The following SLCO1A2 variants were observed in gnomAD, a reference collection of about 807,000 sequenced individuals.
SLCO1A2 encodes the protein OATP-1.
Under a neutral mutation model 69.0 loss-of-function variants are expected in SLCO1A2, and 67 were observed. The ratio of observed to expected loss-of-function variants is 0.97; its 90% CI spans 0.80 to 1.19. The LOEUF (loss-of-function observed/expected upper bound fraction) is 1.19, where lower values mean the gene tolerates loss of function less well. Among genes scored for constraint, SLCO1A2 ranks in the 50% most tolerant of loss-of-function variants. SLCO1A2 has a pLI of 0.00. For missense variants in SLCO1A2, 787 were observed against 793.7 expected, an observed-to-expected ratio of 0.99 and a Z score of 0.10; for synonymous variants, 260 against 265.9, an observed-to-expected ratio of 0.98 and a Z score of 0.22.
rs148715530 is a variant in SLCO1A2 at position 21,312,893 on chromosome 12, GTGAAA to G, written c.335+1651_335+1655del. ...GTTCAGGACCAGCCAGGGCAATATG[GTGAAA>G]TCCTGTCTCTACCAAAAAAATATAT... On this transcript the variant is annotated intron_variant, in intron 4 of 14. Coordinates refer to ENST00000683939, the MANE Select transcript of SLCO1A2 (RefSeq NM_001386879.1). Among the ~76,000 whole-genome samples the G allele has an allele frequency of 4.7e-3, 714 of 152,120 alleles. 2 individuals carry two copies. The highest frequency in any genetic ancestry group is 7.4e-3 in the Non-Finnish European group (501 of 67,992).
At chr12:21,411,827 G>A (rs1941911619) in intron 1 of SLCO1A2, among the ~76,000 whole-genome samples, 2 of 151,904 alleles carry the variant, frequency 1.3e-5, no homozygotes, top group African/African-American at 4.8e-5. Flanking sequence ...GGGACTACAG[G>A]CACACTCCAC....
At chr12:21,339,892 T>C (rs150149077), upstream of SLCO1A2, among the ~76,000 whole-genome samples, 150 of 152,108 alleles carry the variant, frequency 9.9e-4, no homozygotes, top group Non-Finnish European at 2.0e-3. Flanking sequence ...TAGGAGAGAA[T>C]GGGTGTGAGG....
chr12:21,417,766 G>C (rs1157007445), intron 1 of SLCO1A2: 1 of 152,102 alleles, frequency 6.6e-6, no homozygotes, highest in Non-Finnish European at 1.5e-5. Context: ...TTCCTAAACT[G>C]TTTGGGAGAA....
intron 2 of SLCO1A2, 34 bp from the exon 3 acceptor site, chr12:21,318,957 T>A (rs11568570): frequency 0.034 from 52,209 of 1,527,850 alleles, 1,009 homozygotes; most frequent in Middle Eastern, 0.051. Flanking sequence ...GTAGAAAAAA[T>A]TATTTTTAAA....
chr12:21,339,993 C>G (rs1953014415), intron 2 of SLCO1A2, among the ~76,000 whole-genome samples: 1 of 151,878 alleles, frequency 6.6e-6, no homozygotes, highest in Non-Finnish European at 1.5e-5. Context: ...ATAAAATTAG[C>G]ATGCAATCAA....
intron 2 of SLCO1A2, among the ~76,000 whole-genome samples, chr12:21,359,633 G>T (rs1053099275): frequency 6.6e-6 from 1 of 152,098 alleles, no homozygotes; most frequent in Admixed American, 6.5e-5. Context: ...TGTGGTCCCA[G>T]CTACTCGGGA....
intron 1 of SLCO1A2, among the ~76,000 whole-genome samples, chr12:21,412,336 G>A (rs1228663705): frequency 1.3e-5 from 2 of 151,870 alleles, no homozygotes; most frequent in Non-Finnish European, 2.9e-5. Context: ...AGCCGAGATT[G>A]CACCACTACA....
At chr12:21,335,321 C>T (rs1035623444), upstream of SLCO1A2, among the ~76,000 whole-genome samples, 1 of 151,698 alleles carries the variant, frequency 6.6e-6, no homozygotes, top group African/African-American at 2.4e-5. Context: ...CCCACGATTG[C>T]AAACTAAGAT....
At chr12:21,278,780 A>G (rs2136146398) in intron 12 of SLCO1A2, among the ~76,000 whole-genome samples, 1 of 152,260 alleles carries the variant, frequency 6.6e-6, no homozygotes. Flanking sequence ...TAACTCTTCA[A>G]TGCCCAGACA....
At chr12:21,276,671 A>T (rs1381478629) in intron 12 of SLCO1A2, among the ~76,000 whole-genome samples, 4 of 152,162 alleles carry the variant, frequency 2.6e-5, no homozygotes, top group Non-Finnish European at 5.9e-5. Context: ...TTGAATTGCC[A>T]ACACCAGCCC....
chr12:21,271,490 G>A (rs763523227), intron 14 of SLCO1A2, among the ~76,000 whole-genome samples: 10 of 151,040 alleles, frequency 6.6e-5, no homozygotes, highest in Non-Finnish European at 1.2e-4. Context: ...GTAAATTTTT[G>A]AGTCATTTAT....
At chr12:21,414,916 C>A (rs1941966154) in intron 1 of SLCO1A2, among the ~76,000 whole-genome samples, 1 of 151,978 alleles carries the variant, frequency 6.6e-6, no homozygotes, top group African/African-American at 2.4e-5. Context: ...TATTCCTAAT[C>A]ATTATTTTGT....
At chr12:21,276,432 C>T (rs1322007903) in intron 12 of SLCO1A2, among the ~76,000 whole-genome samples, 1 of 146,732 alleles carries the variant, frequency 6.8e-6, no homozygotes, top group African/African-American at 2.5e-5. Flanking sequence ...ACAGACCTAT[C>T]TGTCCAAAAT....
chr12:21,307,090 C>G (rs1199027186), intron 4 of SLCO1A2, 102 bp from the exon 5 acceptor site: 2 of 698,912 alleles, frequency 2.9e-6, no homozygotes, highest in Non-Finnish European at 4.7e-6. Flanking sequence ...AACACAATAT[C>G]CAAATCCAGT....
At chr12:21,384,769 C>CT (rs762328144) in intron 1 of SLCO1A2, among the ~76,000 whole-genome samples, 9,858 of 131,000 alleles carry the variant, frequency 0.075, 405 homozygotes, top group African/African-American at 0.1. Context: ...GTTTTTTTTT[C>CT]TTTTTTTTTT....
At chr12:21,380,851 C>G (rs1272972260) in intron 1 of SLCO1A2, among the ~76,000 whole-genome samples, 1 of 151,858 alleles carries the variant, frequency 6.6e-6, no homozygotes, top group Non-Finnish European at 1.5e-5. Context: ...GAAGAGAGGG[C>G]CCCCCAACCC....
intron 1 of SLCO1A2, among the ~76,000 whole-genome samples, chr12:21,415,334 A>C (rs917692566): frequency 6.6e-6 from 1 of 152,110 alleles, no homozygotes; most frequent in African/African-American, 2.4e-5. Flanking sequence ...TTTGGGGAGA[A>C]GGGCAGTTAG....
At chr12:21,396,696 G>C (rs560098007), upstream of SLCO1A2, among the ~76,000 whole-genome samples, 25 of 152,284 alleles carry the variant, frequency 1.6e-4, no homozygotes, top group African/African-American at 5.3e-4. Flanking sequence ...CTACAAGCCA[G>C]AAGAGAGTGG....
intron 14 of SLCO1A2, chr12:21,274,258 T>C (rs1031740774): frequency 7.1e-5 from 33 of 463,436 alleles, no homozygotes; most frequent in African/African-American, 6.4e-4. Flanking sequence ...GGAAGCCATG[T>C]ATGCTTATAT....
Sources: gnomAD v4.1 joint callset for allele counts (sites outside exome capture counted in the v4.1 genomes callset) on GRCh38, gnomAD v4.1.1 for gene constraint, MANE v1.5 for transcripts, NCBI Gene and HGNC (gene_info 2026-07-23, HGNC 2026-07-21) for gene names.